The following OPRM1 variants were observed in gnomAD, a reference collection of about 807,000 sequenced individuals.
The protein encoded by OPRM1 is opioid receptor mu 1, also known as mu-type opioid receptor.
In OPRM1, 27 loss-of-function variants were observed where a neutral mutation model predicts 31.8. The observed-to-expected ratio is 0.85, with a 90% CI of 0.63 to 1.17. OPRM1 has a LOEUF of 1.17. OPRM1 is among the 50% of genes most tolerant of loss of function. The pLI, the probability that OPRM1 is intolerant of heterozygous loss-of-function variation, is 0.00. For synonymous variants in OPRM1, 196 were observed against 189.9 expected, an observed-to-expected ratio of 1.03 and a Z score of -0.26; for missense variants, 536 against 511.1, an observed-to-expected ratio of 1.05 and a Z score of -0.47.
upstream of OPRM1, chr6:154,039,147 T>C: frequency 6.5e-7 from 1 of 1,550,236 alleles, no homozygotes; most frequent in Non-Finnish European, 8.7e-7. Context: ...CTTCTCTCCA[T>C]CTCCCTCCTT....
intron 3 of OPRM1, among the ~76,000 whole-genome samples, chr6:154,186,155 G>C (rs991538641): frequency 6.6e-6 from 1 of 152,178 alleles, no homozygotes; most frequent in Non-Finnish European, 1.5e-5. Context: ...GCCCTCTGCT[G>C]AAGTCCAGAC....
chr6:154,152,338 A>AGGAAGGAAGGAAG (rs1554285086), intron 3 of OPRM1, among the ~76,000 whole-genome samples: 17 of 19,462 alleles, frequency 8.7e-4, no homozygotes, highest in African/African-American at 2.4e-3. Flanking sequence ...AAAGAAAGAA[A>AGGAAGGAAGGAAG]GAAAGAAAGG....
intron 3 of OPRM1, among the ~76,000 whole-genome samples, chr6:154,152,356 G>GAA (rs1194971757): frequency 1.4e-5 from 2 of 142,800 alleles, no homozygotes; most frequent in South Asian, 2.2e-4. Flanking sequence ...AGGAAAGAAA[G>GAA]AAAGAAAGAA....
chr6:154,225,584 C>T (rs1013585097), intron 3 of OPRM1, among the ~76,000 whole-genome samples: 2 of 152,096 alleles, frequency 1.3e-5, no homozygotes, highest in Non-Finnish European at 1.5e-5. Flanking sequence ...CTACCAGGGT[C>T]CCAGGCAGTA....
At chr6:154,225,215 G>A (rs1779159825) in intron 3 of OPRM1, among the ~76,000 whole-genome samples, 1 of 152,092 alleles carries the variant, frequency 6.6e-6, no homozygotes, top group Non-Finnish European at 1.5e-5. Context: ...AAAACTTTCA[G>A]ATTTTGGAAC....
chr6:154,180,411 TA>T (rs1224277862), intron 3 of OPRM1, among the ~76,000 whole-genome samples: 550 of 38,450 alleles, frequency 0.014, no homozygotes, highest in African/African-American at 0.028. Context: ...TATATATATA[TA>T]TATTTTTTTT....
At position 154,128,043 on chromosome 6, in the gene OPRM1, C is replaced by G. The variant is rs915379146; in HGVS notation, c.*9322C>G. ...GCTGAGTACTTTCCATGCAAGCTAC[C>G]GCATCTGTATAAATTAGGTTCAAAT... On this transcript the variant is annotated 3_prime_UTR_variant, in exon 4 of 4. Transcript: ENST00000330432. Among the ~76,000 whole-genome samples the G allele has an allele frequency of 6.6e-6, 1 of 152,100 alleles. No homozygotes were observed. The highest frequency in any genetic ancestry group is 1.5e-5 in the Non-Finnish European group (1 of 68,016).
rs9282813 is a variant in OPRM1, at chr6:154,119,880, T to C, written c.*1159T>C. 2.8e-4 allele frequency among the ~76,000 whole-genome samples: 42 copies of C among 152,344 alleles called. No individual in the cohort carries two copies. The East Asian group carries it at 7.3e-3, about 27-fold the overall frequency. On this transcript the variant is annotated 3_prime_UTR_variant, in exon 4 of 4. Coordinates refer to ENST00000330432, the MANE Select transcript of OPRM1 (RefSeq NM_000914.5). ...TGTGTTTATATAATGTCATCACCAATATTTTGGTCTTTTTGATCTCTGCTA... is the reference window on the plus strand; with the variant it reads ...TGTGTTTATATAATGTCATCACCAACATTTTGGTCTTTTTGATCTCTGCTA...
chr6:154,188,153 G>T (rs764124218), intron 3 of OPRM1, among the ~76,000 whole-genome samples: 3 of 152,130 alleles, frequency 2.0e-5, no homozygotes, highest in Non-Finnish European at 4.4e-5. Context: ...TGACAATTTA[G>T]AAAGTTTGAT....
Position 154,130,027 on chromosome 6 carries a change from T to C in OPRM1, c.*11306T>C, listed in dbSNP as rs143402145. On this transcript the variant is annotated 3_prime_UTR_variant, in exon 4 of 4. Coordinates refer to ENST00000330432, the MANE Select transcript of OPRM1 (RefSeq NM_000914.5). ...AATAATTTACTTGCACTCTTGTTATTTACATTTGTACTCTGGAAGTAAACT... is the reference window on the plus strand; with the variant it reads ...AATAATTTACTTGCACTCTTGTTATCTACATTTGTACTCTGGAAGTAAACT... Among the ~76,000 whole-genome samples the C allele has an allele frequency of 6.6e-6, 1 of 152,328 alleles. No individual in the cohort carries two copies. Among genetic ancestry groups the C allele is most frequent in the East Asian group, 1.9e-4 (1 of 5,190 alleles).
chr6:154,110,610 C>T (rs1002000624), intron 3 of OPRM1, among the ~76,000 whole-genome samples: 7 of 151,982 alleles, frequency 4.6e-5, no homozygotes, highest in Non-Finnish European at 7.4e-5. Flanking sequence ...ACTCATTGGC[C>T]GGGCACGGTG....
At chr6:154,153,826 T>C (rs1798610429) in intron 3 of OPRM1, among the ~76,000 whole-genome samples, 1 of 151,954 alleles carries the variant, frequency 6.6e-6, no homozygotes, top group Non-Finnish European at 1.5e-5. Context: ...GGCAAAGAAA[T>C]GGATTCTCCC....
At chr6:154,170,785 C>G (rs1799808685) in intron 3 of OPRM1, among the ~76,000 whole-genome samples, 1 of 152,176 alleles carries the variant, frequency 6.6e-6, no homozygotes, top group Admixed American at 6.5e-5. Context: ...AAAAGACAGA[C>G]AGTAGTAAGT....
chr6:154,014,855 A>G (rs2128377182), intron 1 of OPRM1, among the ~76,000 whole-genome samples: 1 of 152,316 alleles, frequency 6.6e-6, no homozygotes, highest in Non-Finnish European at 1.5e-5. Flanking sequence ...ATAAAAAGTA[A>G]GCCTGCCAAA....
intron 1 of OPRM1, among the ~76,000 whole-genome samples, chr6:154,071,420 G>A (rs1786693343): frequency 6.6e-6 from 1 of 152,166 alleles, no homozygotes; most frequent in Admixed American, 6.5e-5. Context: ...ACTGGAAAAT[G>A]TCTAATGCTT....
At chr6:154,179,160 AAAAACAGACCC>A (rs1352533730) in intron 3 of OPRM1, among the ~76,000 whole-genome samples, 1 of 152,146 alleles carries the variant, frequency 6.6e-6, no homozygotes, top group Non-Finnish European at 1.5e-5. Context: ...ATCACAGGAC[AAAAACAGACCC>A]AAAAGGTACA....
intron 1 of OPRM1, among the ~76,000 whole-genome samples, chr6:154,019,604 G>A (rs1360215624): frequency 1.3e-5 from 2 of 151,904 alleles, no homozygotes; most frequent in Non-Finnish European, 2.9e-5. Context: ...ACTGTCTCCA[G>A]AGTTTTGTCT....
At chr6:154,203,219 C>T (rs895271194) in intron 3 of OPRM1, among the ~76,000 whole-genome samples, 2 of 152,142 alleles carry the variant, frequency 1.3e-5, no homozygotes, top group South Asian at 2.1e-4. Context: ...CTCTCCTCTC[C>T]GCCCCACCTC....
chr6:154,100,152 TTATGACGTATCATAA>T (rs1262174554), intron 3 of OPRM1, among the ~76,000 whole-genome samples: 4 of 66,946 alleles, frequency 6.0e-5, no homozygotes, highest in Admixed American at 2.0e-4. Flanking sequence ...TATTATCATA[TTATGACGTATCATAA>T]TATATATTAT....
Sources: gnomAD v4.1 joint callset for allele counts (sites outside exome capture counted in the v4.1 genomes callset) on GRCh38, gnomAD v4.1.1 for gene constraint, MANE v1.5 for transcripts, NCBI Gene and HGNC (gene_info 2026-07-23, HGNC 2026-07-21) for gene names.